Variants in TECRL observed in about 807,000 individuals in gnomAD.
TECRL encodes the protein trans-2,3-enoyl-CoA reductase like.
Under a neutral mutation model 52.8 loss-of-function variants are expected in TECRL, and 63 were observed. The ratio of observed to expected loss-of-function variants is 1.19; its 90% CI spans 0.97 to 1.47. The LOEUF is 1.47. Among genes scored for constraint, TECRL ranks in the 40% most tolerant of loss-of-function variants. The pLI is 0.00. For missense variants in TECRL, 482 were observed against 429.6 expected (o/e 1.12, Z -1.08); for synonymous variants, 164 against 141.9 (o/e 1.16, Z -1.10).
In TECRL at chr4:64,363,999, C is replaced by T. The variant is rs1287160435; in HGVS notation, c.286+11173G>A. 2.0e-5 allele frequency among the ~76,000 whole-genome samples: 3 copies of T among 151,898 alleles called. No homozygotes were observed. In the East Asian group the frequency reaches 5.8e-4, roughly 29 times the overall value. On this transcript the variant is annotated intron_variant, in intron 2 of 11. Coordinates refer to ENST00000381210, the MANE Select transcript of TECRL (RefSeq NM_001010874.5). ...ACACCACACGTAATCTAAGATCAAC[C>T]ACGTACTTGGCCATGAAGCAATTCT...
At chr4:64,307,867 C>T (rs1169255187) in intron 6 of TECRL, among the ~76,000 whole-genome samples, 1 of 152,080 alleles carries the variant, frequency 6.6e-6, no homozygotes, top group Non-Finnish European at 1.5e-5. Flanking sequence ...CAAGGGAAGG[C>T]CTTATCCAGT....
chr4:64,402,100 C>T (rs531957594), intron 1 of TECRL, among the ~76,000 whole-genome samples: 1 of 152,140 alleles, frequency 6.6e-6, no homozygotes, highest in African/African-American at 2.4e-5. Flanking sequence ...ACTTTAGAAT[C>T]AAATTCAAGA....
At chr4:64,322,277 G>A (rs926494479) in intron 4 of TECRL, among the ~76,000 whole-genome samples, 9 of 151,814 alleles carry the variant, frequency 5.9e-5, no homozygotes, top group African/African-American at 2.2e-4. Context: ...CAGGCAGATG[G>A]ATGTGAGACT....
Position 64,278,089 on chromosome 4 carries a change from C to A in TECRL, c.*1983G>T, listed in dbSNP as rs969129076. ...GTGTATATATATACACATATACACACGTACACACATATTTTGAAATATATT... is the reference window on the plus strand; with the variant it reads ...GTGTATATATATACACATATACACAAGTACACACATATTTTGAAATATATT... On this transcript the variant is annotated 3_prime_UTR_variant, in exon 12 of 12. Transcript: ENST00000381210. 2.7e-5 allele frequency: 4 copies of A among 148,772 alleles called. No homozygotes were observed. The highest frequency in any genetic ancestry group is 2.0e-4 in the East Asian group (1 of 4,958). The allele number at this position is 148,772 out of a possible 1,614,324, so 9.2% of individuals were successfully genotyped here. A position where few individuals can be genotyped will look rare whatever the true frequency, so the allele number is the denominator to read the frequency against.
intron 2 of TECRL, among the ~76,000 whole-genome samples, chr4:64,350,135 A>G (rs1366352898): frequency 1.3e-5 from 2 of 152,226 alleles, no homozygotes; most frequent in Non-Finnish European, 2.9e-5. Flanking sequence ...ATGTCCCACA[A>G]AACTGTACCT....
chr4:64,405,099 T>A (rs1724618161), intron 1 of TECRL, among the ~76,000 whole-genome samples: 1 of 152,102 alleles, frequency 6.6e-6, no homozygotes, highest in Admixed American at 6.6e-5. Context: ...AGTAGTTTAG[T>A]TGGCAATAAG....
At chr4:64,287,631 G>A (rs1208025387) in intron 9 of TECRL, among the ~76,000 whole-genome samples, 1 of 152,074 alleles carries the variant, frequency 6.6e-6, no homozygotes, top group East Asian at 1.9e-4. Context: ...ATACAGGTGA[G>A]TATAGAAGTA....
chr4:64,319,456 CT>C (rs1717741345), intron 4 of TECRL, among the ~76,000 whole-genome samples: 1 of 151,698 alleles, frequency 6.6e-6, no homozygotes, highest in African/African-American at 2.4e-5. Context: ...ATAAATTAGA[CT>C]GCATTAAAAT....
chr4:64,321,411 C>T (rs930382827), intron 4 of TECRL, among the ~76,000 whole-genome samples: 2 of 151,836 alleles, frequency 1.3e-5, no homozygotes, highest in Non-Finnish European at 2.9e-5. Context: ...AAAGAAAAGT[C>T]ATTTTGAATA....
chr4:64,334,258 A>T (rs906281344), intron 2 of TECRL, among the ~76,000 whole-genome samples: 1 of 152,092 alleles, frequency 6.6e-6, no homozygotes, highest in Admixed American at 6.6e-5. Flanking sequence ...CTGCTGATTT[A>T]ATATTGTTAA....
intron 2 of TECRL, among the ~76,000 whole-genome samples, chr4:64,334,961 T>A (rs537644008): frequency 6.6e-6 from 1 of 152,346 alleles, no homozygotes. Flanking sequence ...TTAGATACTA[T>A]CCGCTGTGCA....
intron 2 of TECRL, among the ~76,000 whole-genome samples, chr4:64,345,725 T>C (rs1036419024): frequency 1.3e-4 from 20 of 151,104 alleles, no homozygotes; most frequent in Non-Finnish European, 2.4e-4. Flanking sequence ...AGTTAAAGGT[T>C]TTCTAAGTCA....
intron 1 of TECRL, among the ~76,000 whole-genome samples, chr4:64,393,007 G>A (rs1238030220): frequency 6.6e-6 from 1 of 151,838 alleles, no homozygotes; most frequent in East Asian, 2.0e-4. Flanking sequence ...ACATAACTTG[G>A]TGCTAGGAAT....
At chr4:64,397,964 CTTATAT>C (rs1006919339) in intron 1 of TECRL, among the ~76,000 whole-genome samples, 23 of 151,870 alleles carry the variant, frequency 1.5e-4, no homozygotes, top group African/African-American at 5.3e-4. Context: ...TGCCCAATGA[CTTATAT>C]TTAATTTGAA....
intron 2 of TECRL, among the ~76,000 whole-genome samples, chr4:64,338,013 G>A (rs1719245415): frequency 6.6e-6 from 1 of 152,086 alleles, no homozygotes; most frequent in Admixed American, 6.6e-5. Context: ...GAGGCATCAT[G>A]CTACCTGACT....
chr4:64,289,885 T>C (rs1209748209), intron 8 of TECRL, 118 bp from the exon 9 acceptor site: 3 of 580,266 alleles, frequency 5.2e-6, no homozygotes, highest in East Asian at 7.0e-5. Flanking sequence ...TCAAAAGATA[T>C]ATATTTTATT....
At chr4:64,382,548 G>C (rs937985717) in intron 1 of TECRL, among the ~76,000 whole-genome samples, 1 of 150,894 alleles carries the variant, frequency 6.6e-6, no homozygotes, top group South Asian at 2.1e-4. Context: ...TTTGGTTTTC[G>C]TTTGTATGGA....
intron 1 of TECRL, among the ~76,000 whole-genome samples, chr4:64,375,479 G>A (rs1365800489): frequency 6.6e-6 from 1 of 151,770 alleles, no homozygotes; most frequent in African/African-American, 2.4e-5. Flanking sequence ...GTATCCCTAA[G>A]ATATATTTTT....
intron 1 of TECRL, among the ~76,000 whole-genome samples, chr4:64,381,555 C>T (rs538704066): frequency 1.3e-5 from 2 of 151,888 alleles, no homozygotes; most frequent in Admixed American, 6.6e-5. Context: ...GAGGTATGTT[C>T]ATTACATACC....
Sources: allele counts gnomAD v4.1 joint callset (sites outside exome capture counted in the v4.1 genomes callset), GRCh38; gene constraint gnomAD v4.1.1; transcripts MANE v1.5; gene names NCBI Gene and HGNC (gene_info 2026-07-23, HGNC 2026-07-21).